LEPR: variants seen among roughly 807,000 people sequenced by gnomAD.
LEPR encodes the protein leptin receptor.
LEPR carries 56 observed loss-of-function variants against 114.7 expected under a neutral mutation model. The ratio of observed to expected loss-of-function variants is 0.49; its 90% CI spans 0.39 to 0.61. The LOEUF (loss-of-function observed/expected upper bound fraction) is 0.61. LEPR is among the 20% of genes least tolerant of loss of function. LEPR has a pLI of 0.00. For synonymous variants in LEPR, 443 were observed against 461.4 expected (o/e 0.96, Z 0.51); for missense variants, 1,202 against 1,352.9 (o/e 0.89, Z 1.75).
chr1:65,612,499 G>A (rs1265823652), intron 14 of LEPR, among the ~76,000 whole-genome samples: 1 of 152,144 alleles, frequency 6.6e-6, no homozygotes, highest in Non-Finnish European at 1.5e-5. Context: ...TGCTTCTCTT[G>A]GTTGCAAAAG....
At chr1:65,530,365 G>A (rs1650299144) in intron 2 of LEPR, among the ~76,000 whole-genome samples, 1 of 152,176 alleles carries the variant, frequency 6.6e-6, no homozygotes, top group African/African-American at 2.4e-5. Context: ...GAGGGTTCTT[G>A]GATCTCATGC....
At chr1:65,507,925 T>A (rs1648839129) in intron 2 of LEPR, among the ~76,000 whole-genome samples, 1 of 152,194 alleles carries the variant, frequency 6.6e-6, no homozygotes, top group Non-Finnish European at 1.5e-5. Context: ...AATATGCATT[T>A]CTCTGATAAT....
chr1:65,593,566 A>G (rs1557683575), intron 6 of LEPR, among the ~76,000 whole-genome samples: 1 of 152,150 alleles, frequency 6.6e-6, no homozygotes, highest in Non-Finnish European at 1.5e-5. Flanking sequence ...AAACAATTAT[A>G]TGCAAACTCT....
intron 2 of LEPR, among the ~76,000 whole-genome samples, chr1:65,525,337 C>T (rs980882027): frequency 6.9e-6 from 1 of 145,700 alleles, no homozygotes; most frequent in Non-Finnish European, 1.5e-5. Flanking sequence ...GACGCGGGTC[C>T]GGGGTGGGGG....
At chr1:65,505,601 G>A (rs1034375833) in intron 2 of LEPR, among the ~76,000 whole-genome samples, 2 of 152,064 alleles carry the variant, frequency 1.3e-5, no homozygotes, top group Non-Finnish European at 2.9e-5. Context: ...CTTCATCATG[G>A]TTCTGGCAGT....
intron 5 of LEPR, chr1:65,577,520 G>A: frequency 5.9e-6 from 1 of 170,386 alleles, no homozygotes; most frequent in Non-Finnish European, 1.3e-5. Flanking sequence ...TTTACATGCT[G>A]TATTCTTTGT....
chr1:65,434,060 C>T lies in LEPR; in HGVS notation c.-21+8682C>T. On this transcript the variant is annotated intron_variant, in intron 2 of 19. Transcript: ENST00000349533. ...TGTTGCTTATACACATTTTCAATAA[C>T]CAAGGTAGCCTTCATATGTAGCCTT... 4.1e-6 allele frequency: 4 copies of T among 985,232 alleles called. No homozygotes were observed. The South Asian group carries it at 1.4e-4, about 35-fold the overall frequency. The allele number at this position is 985,232 out of a possible 1,614,324, so 61.0% of individuals were successfully genotyped here. A position where few individuals can be genotyped will look rare whatever the true frequency, so the allele number is the denominator to read the frequency against.
intron 2 of LEPR, among the ~76,000 whole-genome samples, chr1:65,463,121 G>C (rs2100382233): frequency 6.6e-6 from 1 of 152,194 alleles, no homozygotes; most frequent in East Asian, 1.9e-4. Flanking sequence ...GGGTTTTTAT[G>C]GTGTTAGGTC....
At position 65,531,397 on chromosome 1, in the gene LEPR, T is replaced by TTTTCC. The variant is rs59604570; in HGVS notation, c.-20-34127_-20-34123dup. Among the ~76,000 whole-genome samples, 311 of 149,998 alleles carry TTTTCC rather than the reference T, an allele frequency of 2.1e-3. 2 individuals are homozygous for TTTTCC. The highest frequency in any genetic ancestry group is 6.7e-3 in the African/African-American group (274 of 40,700). ...ATCTTCTTACCTTGTAATATATTCTTTTTCCTTTCCTTTCCTTTCCTTTCC... is the reference window on the plus strand; with the variant it reads ...ATCTTCTTACCTTGTAATATATTCTTTTTCCTTTCCTTTCCTTTCCTTTCCTTTCC... On this transcript the variant is annotated intron_variant, in intron 2 of 19. Transcript: ENST00000349533.
chr1:65,577,940 C>T (rs1462920018), intron 5 of LEPR: 2 of 151,130 alleles, frequency 1.3e-5, no homozygotes, highest in African/African-American at 2.5e-5. Context: ...GGTATTTCTC[C>T]TAATGCTATC....
intron 14 of LEPR, among the ~76,000 whole-genome samples, chr1:65,615,520 G>T (rs555743547): frequency 6.6e-6 from 1 of 152,166 alleles, no homozygotes; most frequent in South Asian, 2.1e-4. Flanking sequence ...GAGTATCAGA[G>T]GAAAGGAAAA....
At position 65,598,739 on chromosome 1, in the gene LEPR, G is replaced by A. The variant is rs757522214; in HGVS notation, c.929G>A (p.Gly310Asp). The A allele has an allele frequency of 7.4e-6, 12 of 1,613,376 alleles. No homozygotes were observed. The highest frequency in any genetic ancestry group is 5.0e-5 in the Admixed American group (3 of 59,936). Reference sequence around the variant, plus strand: ...TCTTCGTATGAGGTTCAGGTGAGGGGCAAGAGACTGGATGGCCCAGGAATC... The same window carrying A: ...TCTTCGTATGAGGTTCAGGTGAGGGACAAGAGACTGGATGGCCCAGGAATC... ...PGSSYEVQVR[G>D]KRLDGPGIWS... The change falls in exon 8 of 20, where the codon GGC (glycine) becomes GAC (aspartate). Residue 310 changes from glycine (G) to aspartate (D), a missense_variant. Transcript: ENST00000349533.
intron 2 of LEPR, among the ~76,000 whole-genome samples, chr1:65,472,810 A>C (rs893661493): frequency 2.0e-5 from 3 of 152,178 alleles, no homozygotes; most frequent in Non-Finnish European, 4.4e-5. Flanking sequence ...GGAATGGATA[A>C]GATGAGGATG....
At chr1:65,518,972 TTCTC>T (rs200352575) in intron 2 of LEPR, among the ~76,000 whole-genome samples, 8 of 125,482 alleles carry the variant, frequency 6.4e-5, no homozygotes, top group South Asian at 2.8e-4. Context: ...TCTTTTCTTT[TTCTC>T]TCTCTCTTTC....
chr1:65,634,137 G>T lies in LEPR; in HGVS notation c.2674-2054G>T, dbSNP rs554529501. On this transcript the variant is annotated intron_variant, in intron 19 of 19. Coordinates refer to ENST00000349533, the MANE Select transcript of LEPR (RefSeq NM_002303.6). ...TGCTAGTTTTATGAATTCAGCACAC[G>T]AATTATGCTGCGTTGCTCACATTCA... is the stretch of plus-strand genomic sequence containing the variant. 2.3e-5 allele frequency: 23 copies of T among 985,214 alleles called. No individual in the cohort carries two copies. The East Asian group carries it at 1.1e-3, about 49-fold the overall frequency. The allele number at this position is 985,214 out of a possible 1,614,324, so 61.0% of individuals were successfully genotyped here.
At chr1:65,444,286 A>C (rs1398689096) in intron 2 of LEPR, among the ~76,000 whole-genome samples, 1 of 151,898 alleles carries the variant, frequency 6.6e-6, no homozygotes, top group Non-Finnish European at 1.5e-5. Context: ...TCCCAGAGAG[A>C]CTTCATCTGC....
intron 19 of LEPR, chr1:65,626,118 T>C (rs1337211702): frequency 6.2e-7 from 1 of 1,611,780 alleles, no homozygotes; most frequent in Non-Finnish European, 8.5e-7. Flanking sequence ...TTTTCCCTTT[T>C]CCAGAAAATG....
At chr1:65,459,257 A>G (rs745366880) in intron 2 of LEPR, among the ~76,000 whole-genome samples, 18 of 152,124 alleles carry the variant, frequency 1.2e-4, no homozygotes, top group Non-Finnish European at 2.5e-4. Flanking sequence ...AGTGGTAGTT[A>G]CCGAGAAGCC....
At chr1:65,513,632 C>T (rs1376311747) in intron 2 of LEPR, among the ~76,000 whole-genome samples, 3 of 152,090 alleles carry the variant, frequency 2.0e-5, no homozygotes, top group South Asian at 2.1e-4. Flanking sequence ...CTTTGTGCTT[C>T]GTGAAAATTG....
Sources: gnomAD v4.1 joint callset for allele counts (sites outside exome capture counted in the v4.1 genomes callset) on GRCh38, gnomAD v4.1.1 for gene constraint, MANE v1.5 for transcripts, NCBI Gene and HGNC (gene_info 2026-07-23, HGNC 2026-07-21) for gene names.